Variants in STOX2 observed in about 807,000 individuals in gnomAD.
STOX2 encodes storkhead box 2.
In STOX2, 28 loss-of-function variants were observed where a neutral mutation model predicts 60.9. The observed-to-expected ratio is 0.46, with a 90% CI of 0.34 to 0.63. The LOEUF is 0.63. Among genes scored for constraint, STOX2 ranks in the 30% least tolerant of loss-of-function variants. The pLI is 0.01. For synonymous variants in STOX2, 472 were observed against 463.9 expected (o/e 1.02, Z -0.22); for missense variants, 1,024 against 1,187.7 (o/e 0.86, Z 2.03).
At chr4:183,874,203 C>G (rs540311676) in intron 1 of STOX2, among the ~76,000 whole-genome samples, 1 of 152,282 alleles carries the variant, frequency 6.6e-6, no homozygotes, top group African/African-American at 2.4e-5. Context: ...TGTGTCCAAC[C>G]CACTTTTGGA....
At position 183,951,224 on chromosome 4, in the gene STOX2, G is replaced by C. The variant is rs114898116; in HGVS notation, c.166+44268G>C. On this transcript the variant is annotated intron_variant, in intron 1 of 3. Transcript: ENST00000308497. ...AGCGAGACTCCGTCTCAAAAAAAAAGAAAAAAAAAAAAAAGACAGTAGTGC... is the reference window on the plus strand; with the variant it reads ...AGCGAGACTCCGTCTCAAAAAAAAACAAAAAAAAAAAAAAGACAGTAGTGC... 3.2e-5 allele frequency among the ~76,000 whole-genome samples: 4 copies of C among 125,184 alleles called. No homozygotes were observed. In the Admixed American group the frequency reaches 3.3e-4, roughly 10 times the overall value. 82.1% of individuals were successfully genotyped at this position (125,184 alleles called of 152,430 possible).
chr4:183,969,556 C>T (rs933995854), intron 1 of STOX2, among the ~76,000 whole-genome samples: 1 of 152,132 alleles, frequency 6.6e-6, no homozygotes, highest in African/African-American at 2.4e-5. Flanking sequence ...GTGTGAGCTA[C>T]CATACCCCGC....
At chr4:183,943,036 G>C (rs1742793211) in intron 1 of STOX2, among the ~76,000 whole-genome samples, 1 of 152,170 alleles carries the variant, frequency 6.6e-6, no homozygotes, top group African/African-American at 2.4e-5. Context: ...TCAGCTTTCA[G>C]AATGGCAATA....
chr4:183,886,058 G>A (rs78395367), intron 1 of STOX2, among the ~76,000 whole-genome samples: 368 of 117,940 alleles, frequency 3.1e-3, no homozygotes, highest in Middle Eastern at 8.9e-3. Flanking sequence ...GCAGATGCAA[G>A]ATCAGGAGGG....
At chr4:183,951,560 C>T (rs1179712579) in intron 1 of STOX2, among the ~76,000 whole-genome samples, 2 of 149,990 alleles carry the variant, frequency 1.3e-5, no homozygotes, top group African/African-American at 4.9e-5. Context: ...AAGCGATTCT[C>T]CCGCCTCAGT....
intron 1 of STOX2, among the ~76,000 whole-genome samples, chr4:183,870,142 A>G (rs1050481657): frequency 6.6e-6 from 1 of 152,250 alleles, no homozygotes; most frequent in African/African-American, 2.4e-5. Context: ...TGATAGTCTC[A>G]TACTAGTATC....
Position 183,815,533 on chromosome 4 carries a change from A to G in STOX2, c.364+17478A>G, listed in dbSNP as rs150275956. 2.0e-3 allele frequency among the ~76,000 whole-genome samples: 312 copies of G among 152,350 alleles called. 2 individuals carry two copies. The highest frequency in any genetic ancestry group is 6.9e-3 in the African/African-American group (288 of 41,592). ...AAAATAAAATAAAATAAATTGGACA[A>G]TTACAAAAAGCCAGTGAGATTGGCC... On this transcript the variant is annotated intron_variant, in intron 1 of 2. Transcript: ENST00000513034.
chr4:183,970,179 T>G (rs1284667954), intron 1 of STOX2, among the ~76,000 whole-genome samples: 39 of 139,518 alleles, frequency 2.8e-4, no homozygotes, highest in African/African-American at 8.9e-4. Context: ...TGTGTGTGTG[T>G]GTGGGGTTCC....
chr4:183,865,485 T>G lies in STOX2; in HGVS notation c.364+67430T>G, dbSNP rs1322966369. Among the ~76,000 whole-genome samples, 1 of 152,212 alleles carries G rather than the reference T, an allele frequency of 6.6e-6. No individual in the cohort carries two copies. Among genetic ancestry groups the G allele is most frequent in the Non-Finnish European group, 1.5e-5 (1 of 68,032 alleles). The stretch of plus-strand genomic sequence containing the variant: ...AAGCCCGTATTTTCTCTAAATGAGC[T>G]TACGGTCTGTTTGGGGAGATAAGTA... On this transcript the variant is annotated intron_variant, in intron 1 of 2. Transcript: ENST00000513034. The surrounding 1 kb of genome is among the most constrained non-coding windows in gnomAD (Gnocchi z 4.1).
intron 1 of STOX2, among the ~76,000 whole-genome samples, chr4:183,846,622 T>C (rs1033136408): frequency 1.3e-5 from 2 of 152,180 alleles, no homozygotes; most frequent in Admixed American, 6.5e-5. Flanking sequence ...TTTCTGCGTG[T>C]TTATTGATAT....
At chr4:183,990,422 T>C (rs577283327) in intron 1 of STOX2, among the ~76,000 whole-genome samples, 12 of 152,286 alleles carry the variant, frequency 7.9e-5, no homozygotes, top group African/African-American at 2.9e-4. Context: ...TTTTCACACA[T>C]GTATATCTTA....
At chr4:183,911,768 G>T (rs983267368) in intron 1 of STOX2, among the ~76,000 whole-genome samples, 1 of 152,176 alleles carries the variant, frequency 6.6e-6, no homozygotes, top group African/African-American at 2.4e-5. Flanking sequence ...CTGCATGCAG[G>T]TTATAACTAA....
chr4:183,950,937 C>G (rs567918522), intron 1 of STOX2, among the ~76,000 whole-genome samples: 5 of 152,076 alleles, frequency 3.3e-5, no homozygotes, highest in African/African-American at 1.2e-4. Context: ...GTAGTGCGGC[C>G]GGGCGCGGTG....
chr4:183,921,733 C>T (rs538704959), intron 1 of STOX2, among the ~76,000 whole-genome samples: 12 of 152,202 alleles, frequency 7.9e-5, no homozygotes, highest in East Asian at 1.9e-4. Flanking sequence ...TTATGAAATA[C>T]GGTATATATT....
chr4:183,929,692 A>AC (rs1742354037), intron 1 of STOX2, among the ~76,000 whole-genome samples: 1 of 152,164 alleles, frequency 6.6e-6, no homozygotes, highest in African/African-American at 2.4e-5. Context: ...ATAAAACCAA[A>AC]AAAAGGACCA....
At chr4:183,878,441 T>G (rs1357015621) in intron 1 of STOX2, among the ~76,000 whole-genome samples, 1 of 152,252 alleles carries the variant, frequency 6.6e-6, no homozygotes, top group Non-Finnish European at 1.5e-5. Flanking sequence ...TATTTGTCAC[T>G]TCATAAGGAC....
chr4:183,899,545 A>G lies in STOX2; in HGVS notation c.364+101490A>G, dbSNP rs141310170. Reference sequence around the variant, plus strand: ...TTTGAGTGGTCTGGACAGAAGACCAAGCCAGTTACAACATTTCCTGGATTA... The same window carrying G: ...TTTGAGTGGTCTGGACAGAAGACCAGGCCAGTTACAACATTTCCTGGATTA... On this transcript the variant is annotated intron_variant, in intron 1 of 2. Coordinates refer to the STOX2 transcript ENST00000513034. Among the ~76,000 whole-genome samples, 10 of 152,350 alleles carry G rather than the reference A, an allele frequency of 6.6e-5. No homozygotes were observed. In the East Asian group the frequency reaches 1.9e-3, roughly 29 times the overall value.
chr4:183,859,386 C>G (rs1283844719), intron 1 of STOX2, among the ~76,000 whole-genome samples: 1 of 152,336 alleles, frequency 6.6e-6, no homozygotes, highest in East Asian at 1.9e-4. Context: ...GGGTGTCCAT[C>G]GGGTGACATT....
At chr4:183,813,788 A>G (rs531897635) in intron 1 of STOX2, among the ~76,000 whole-genome samples, 60 of 152,312 alleles carry the variant, frequency 3.9e-4, no homozygotes, top group African/African-American at 1.3e-3. Context: ...TAATTTCTAA[A>G]CTACCATTTT....
Sources: gnomAD v4.1 joint callset for allele counts (sites outside exome capture counted in the v4.1 genomes callset) on GRCh38, gnomAD v4.1.1 for gene constraint, Gnocchi (gnomAD v3.1) non-coding constraint, MANE v1.5 for transcripts, NCBI Gene and HGNC (gene_info 2026-07-23, HGNC 2026-07-21) for gene names.